Variants in DNAJC7 observed in about 807,000 individuals in gnomAD.
DNAJC7 encodes the protein DnaJ heat shock protein family (Hsp40) member C7, also known as dnaJ homolog subfamily C member 7.
A neutral mutation model predicts 67.4 loss-of-function variants in DNAJC7; 18 were observed. The observed-to-expected ratio is 0.27, with a 90% CI of 0.18 to 0.40. The LOEUF is 0.40. DNAJC7 is among the 10% of genes least tolerant of loss of function. The pLI is 1.00. For synonymous variants in DNAJC7, 220 were observed against 207.8 expected (o/e 1.06, Z -0.50); for missense variants, 419 against 613.8 (o/e 0.68, Z 3.35).
rs1555648650 is a variant in DNAJC7, at chr17:41,996,434, C to T, written c.292-10G>A. ...CCTCTCGTAGATGTCCCTAAAAGAA[C>T]ACCAAGAGGGAAGAAAAGAAGCATG... On this transcript the variant is annotated splice_polypyrimidine_tract_variant and intron_variant, in intron 3 of 13. Coordinates refer to ENST00000457167, the MANE Select transcript of DNAJC7 (RefSeq NM_003315.4). 6.2e-7 allele frequency: 1 copy of T among 1,604,204 alleles called. No homozygotes were observed. Among genetic ancestry groups the T allele is most frequent in the Non-Finnish European group, 8.5e-7 (1 of 1,176,096 alleles).
At chr17:41,991,657 A>G (rs911762964) in intron 5 of DNAJC7, among the ~76,000 whole-genome samples, 2 of 152,118 alleles carry the variant, frequency 1.3e-5, no homozygotes, top group Non-Finnish European at 2.9e-5. Context: ...TCATCACTGA[A>G]TATTTTTCAT....
chr17:41,978,360 C>T (rs1028733554), intron 12 of DNAJC7, among the ~76,000 whole-genome samples: 1 of 152,166 alleles, frequency 6.6e-6, no homozygotes, highest in Non-Finnish European at 1.5e-5. Context: ...GTCAGCTATG[C>T]CTGTCACTTT....
chr17:41,999,570 G>C (rs534380535), intron 2 of DNAJC7, among the ~76,000 whole-genome samples: 1 of 151,890 alleles, frequency 6.6e-6, no homozygotes, highest in Non-Finnish European at 1.5e-5. Context: ...CCCCAGGCTG[G>C]AGTGCAACGG....
Position 41,987,958 on chromosome 17 carries a change from G to A in DNAJC7, c.919-48C>T, listed in dbSNP as rs896637764. 5 of 1,524,880 alleles carry A rather than the reference G, an allele frequency of 3.3e-6. No homozygotes were observed. The South Asian group carries it at 5.8e-5, about 18-fold the overall frequency. The allele number at this position is 1,524,880 out of a possible 1,614,324, so 94.5% of individuals were successfully genotyped here. On this transcript the variant is annotated intron_variant, in intron 8 of 13. Coordinates refer to ENST00000457167, the MANE Select transcript of DNAJC7 (RefSeq NM_003315.4). Reference sequence around the variant, plus strand: ...ATACTTCACACCTTTGGTGACTGAGGGAGCCCAGAAGCTGTGAGCATGGCT... The same window carrying A: ...ATACTTCACACCTTTGGTGACTGAGAGAGCCCAGAAGCTGTGAGCATGGCT...
chr17:41,989,352 A>C (rs2051456791), intron 7 of DNAJC7, 52 bp downstream of exon 7: 1 of 1,597,644 alleles, frequency 6.3e-7, no homozygotes, highest in South Asian at 1.1e-5. Context: ...AGCCATCTTA[A>C]AGGTCCCAAA....
intron 4 of DNAJC7, among the ~76,000 whole-genome samples, chr17:41,995,414 T>C (rs1263536827): frequency 6.6e-6 from 1 of 152,218 alleles, no homozygotes; most frequent in Non-Finnish European, 1.5e-5. Context: ...AGATTCTCAC[T>C]GAAATGCATC....
chr17:41,988,439 A>C (rs2051435649), intron 8 of DNAJC7, among the ~76,000 whole-genome samples: 1 of 152,254 alleles, frequency 6.6e-6, no homozygotes. Flanking sequence ...GCAAAACAAC[A>C]AAAAAGCAAC....
At chr17:41,991,517 G>A (rs1598129811) in intron 5 of DNAJC7, among the ~76,000 whole-genome samples, 1 of 151,934 alleles carries the variant, frequency 6.6e-6, no homozygotes, top group East Asian at 1.9e-4. Flanking sequence ...GCTAAATAAA[G>A]GGAGAAAATC....
intron 5 of DNAJC7, among the ~76,000 whole-genome samples, chr17:41,993,275 C>A (rs111419827): frequency 6.6e-6 from 1 of 152,106 alleles, no homozygotes; most frequent in East Asian, 1.9e-4. Context: ...CTGGCTAACA[C>A]GGTGAAACCC....
At position 42,001,849 on chromosome 17, in the gene DNAJC7, C is replaced by G. The variant is rs2051815735; in HGVS notation, c.78-1279G>C. ...CCTCCCTCTCCATTCTTCTCCATCA[C>G]TGTCCTGGCAAGCCCTACTAATATG... On this transcript the variant is annotated intron_variant, in intron 1 of 13. Coordinates refer to ENST00000457167, the MANE Select transcript of DNAJC7 (RefSeq NM_003315.4). 3.3e-5 allele frequency among the ~76,000 whole-genome samples: 5 copies of G among 152,328 alleles called. No individual in the cohort carries two copies. In the South Asian group the frequency reaches 1.0e-3, roughly 32 times the overall value.
chr17:41,989,071 C>T (rs532320959), intron 7 of DNAJC7, among the ~76,000 whole-genome samples, 175 bp from the exon 8 acceptor site: 4 of 152,168 alleles, frequency 2.6e-5, no homozygotes, highest in African/African-American at 9.7e-5. Context: ...ACAGAGTGGA[C>T]AGGAAAAGAG....
intron 9 of DNAJC7, chr17:41,984,819 G>C (rs2051336933): frequency 6.6e-6 from 1 of 151,688 alleles, no homozygotes. Context: ...TACCACACAA[G>C]CCCATTTTCT....
At chr17:42,004,638 C>A (rs781797877) in intron 1 of DNAJC7, among the ~76,000 whole-genome samples, 4 of 152,210 alleles carry the variant, frequency 2.6e-5, no homozygotes, top group Non-Finnish European at 5.9e-5. Context: ...TCTCTCACAA[C>A]AGGATCAGCA....
At chr17:41,993,974 C>A (rs1294262781) in intron 5 of DNAJC7, among the ~76,000 whole-genome samples, 8 of 149,950 alleles carry the variant, frequency 5.3e-5, no homozygotes, top group African/African-American at 2.0e-4. Context: ...ACCTGGGAGG[C>A]GGAGGTTGCA....
intron 12 of DNAJC7, chr17:41,977,639 TC>T (rs1555645202): frequency 4.2e-6 from 1 of 237,124 alleles, no homozygotes; most frequent in African/African-American, 2.3e-5. Flanking sequence ...CACAAGACTT[TC>T]CCCATACTCT....
At chr17:41,994,287 G>C (rs2051595661) in intron 5 of DNAJC7, among the ~76,000 whole-genome samples, 1 of 151,580 alleles carries the variant, frequency 6.6e-6, no homozygotes, top group Admixed American at 6.6e-5. Flanking sequence ...AGTGAGCCGA[G>C]ATTATGCCAC....
intron 1 of DNAJC7, among the ~76,000 whole-genome samples, chr17:42,007,026 C>T (rs1346460455): frequency 6.6e-6 from 1 of 150,436 alleles, no homozygotes. Flanking sequence ...GGTGTGAACC[C>T]GGGAGATGGA....
At chr17:41,984,539 C>T (rs1458140345) in intron 9 of DNAJC7, 2 of 152,184 alleles carry the variant, frequency 1.3e-5, no homozygotes, top group Non-Finnish European at 1.5e-5. Context: ...CATCTCCTGA[C>T]CTCGTGATCC....
intron 10 of DNAJC7, among the ~76,000 whole-genome samples, chr17:41,982,935 G>C (rs1265343435): frequency 2.0e-5 from 3 of 151,072 alleles, no homozygotes; most frequent in African/African-American, 7.3e-5. Context: ...ACTCCAGCCT[G>C]GGTGACAGAG....
Sources: gnomAD v4.1 joint callset for allele counts (sites outside exome capture counted in the v4.1 genomes callset) on GRCh38, gnomAD v4.1.1 for gene constraint, MANE v1.5 for transcripts, NCBI Gene and HGNC (gene_info 2026-07-23, HGNC 2026-07-21) for gene names.